The following ENOX2 variants were observed in gnomAD, a reference collection of about 807,000 sequenced individuals.
ENOX2 encodes ecto-NOX disulfide-thiol exchanger 2.
A neutral mutation model predicts 45.0 loss-of-function variants in ENOX2; 36 were observed. That is an observed-to-expected ratio of 0.80 (90% confidence interval 0.61 to 1.06). ENOX2 has a LOEUF of 1.06. Ranked by LOEUF, ENOX2 falls within the 50% of genes least tolerant of loss-of-function variation. The pLI, the probability that ENOX2 is intolerant of heterozygous loss-of-function variation, is 0.00. For missense variants in ENOX2, 423 were observed against 462.5 expected, an observed-to-expected ratio of 0.91 and a Z score of 0.78; for synonymous variants, 174 against 152.3, an observed-to-expected ratio of 1.14 and a Z score of -1.05.
At chrX:130,886,208 A>G (rs1181897310) in intron 2 of ENOX2, among the ~76,000 whole-genome samples, 1 of 112,733 alleles carries the variant, frequency 8.9e-6, no homozygotes, top group Non-Finnish European at 1.9e-5. Context: ...CATCATCTGC[A>G]TGCTGTCCAA....
At chrX:130,898,277 G>A (rs916710581) in intron 2 of ENOX2, among the ~76,000 whole-genome samples, 3 of 111,846 alleles carry the variant, frequency 2.7e-5, no homozygotes, top group Non-Finnish European at 5.6e-5. Context: ...CAAAGTGCTG[G>A]GATTACAGGT....
chrX:130,638,431 AAC>A (rs34648095), intron 10 of ENOX2, among the ~76,000 whole-genome samples: 3,616 of 92,356 alleles, frequency 0.039, 80 homozygotes, highest in African/African-American at 0.069. Flanking sequence ...AACAATTTGA[AAC>A]ACACACACAC....
At chrX:130,714,999 T>C (rs1157293811) in intron 3 of ENOX2, among the ~76,000 whole-genome samples, 1 of 112,269 alleles carries the variant, frequency 8.9e-6, no homozygotes, top group Non-Finnish European at 1.9e-5. Flanking sequence ...GTATTTGTAC[T>C]AAGTCTAAAA....
rs73229077 is a variant in ENOX2 at position 130,888,677 on chromosome X, G to A, written c.-183+13007C>T. Reference sequence around the variant, plus strand: ...GAAGTGAGGCACCTCTATCACATAAGGCAAATAAAAAGAAAGAACTAATAT... The same window carrying A: ...GAAGTGAGGCACCTCTATCACATAAAGCAAATAAAAAGAAAGAACTAATAT... On this transcript the variant is annotated intron_variant, in intron 2 of 14. Coordinates refer to ENST00000394363, the MANE Select transcript of ENOX2 (RefSeq NM_006375.4). Among the ~76,000 whole-genome samples the A allele has an allele frequency of 7.2e-3, 812 of 112,115 alleles. 1 individual carries two copies. Among genetic ancestry groups the A allele is most frequent in the Non-Finnish European group, 0.013 (703 of 53,200 alleles).
At chrX:130,652,492 C>T (rs755192666) in intron 10 of ENOX2, among the ~76,000 whole-genome samples, 15 of 112,045 alleles carry the variant, frequency 1.3e-4, no homozygotes, top group South Asian at 3.7e-4. Flanking sequence ...GAATACAAAC[C>T]CCTTCTGCCC....
intron 3 of ENOX2, among the ~76,000 whole-genome samples, chrX:130,771,125 G>A (rs2039731804): frequency 8.9e-6 from 1 of 112,136 alleles, no homozygotes; most frequent in South Asian, 3.8e-4. Context: ...GAAGTGACTG[G>A]AAAAGGGCAC....
At chrX:130,808,025 A>T (rs1424057083) in intron 2 of ENOX2, among the ~76,000 whole-genome samples, 1 of 112,464 alleles carries the variant, frequency 8.9e-6, no homozygotes, top group Non-Finnish European at 1.9e-5. Flanking sequence ...ACTTTTACTC[A>T]TTCTTCCTTA....
At chrX:130,740,473 A>G (rs2038957968) in intron 3 of ENOX2, among the ~76,000 whole-genome samples, 1 of 111,840 alleles carries the variant, frequency 8.9e-6, no homozygotes, top group Admixed American at 9.5e-5. Context: ...TCACAACAAT[A>G]AGTGCTATGG....
At chrX:130,805,003 T>C (rs2077278476) in intron 2 of ENOX2, among the ~76,000 whole-genome samples, 1 of 111,350 alleles carries the variant, frequency 9.0e-6, no homozygotes, top group Non-Finnish European at 1.9e-5. Context: ...AGTGTCCTTA[T>C]GAAAGGGGCC....
intron 2 of ENOX2, among the ~76,000 whole-genome samples, chrX:130,838,351 C>A (rs779636237): frequency 2.7e-5 from 3 of 111,652 alleles, no homozygotes; most frequent in Non-Finnish European, 5.7e-5. Context: ...CACTGCATTC[C>A]GGCCTGGGGG....
At chrX:130,786,155 G>A (rs995013619) in intron 2 of ENOX2, among the ~76,000 whole-genome samples, 1 of 112,549 alleles carries the variant, frequency 8.9e-6, no homozygotes, top group Non-Finnish European at 1.9e-5. Flanking sequence ...TTGGATGGGG[G>A]TAGATGACTC....
At chrX:130,761,017 C>T (rs1234213708) in intron 3 of ENOX2, among the ~76,000 whole-genome samples, 1 of 109,810 alleles carries the variant, frequency 9.1e-6, no homozygotes, top group Non-Finnish European at 1.9e-5. Flanking sequence ...CTGGAATAAA[C>T]CCTACTTTGC....
intron 2 of ENOX2, among the ~76,000 whole-genome samples, chrX:130,879,886 C>A (rs1238186581): frequency 9.0e-6 from 1 of 111,523 alleles, no homozygotes; most frequent in Admixed American, 9.5e-5. Context: ...AAGGGAGAGG[C>A]AAGAAGTTAA....
chrX:130,678,681 T>C (rs770981293), intron 6 of ENOX2, among the ~76,000 whole-genome samples: 118 of 110,792 alleles, frequency 1.1e-3, no homozygotes, highest in African/African-American at 3.5e-3. Flanking sequence ...TTAACCTTTT[T>C]TATCTTCCTC....
chrX:130,751,958 A>C lies in ENOX2; in HGVS notation c.-39+31589T>G, dbSNP rs903072777. 8.1e-5 allele frequency among the ~76,000 whole-genome samples: 9 copies of C among 111,386 alleles called. No individual in the cohort carries two copies. In the East Asian group the frequency reaches 2.5e-3, roughly 31 times the overall value. On this transcript the variant is annotated intron_variant, in intron 3 of 14. Coordinates refer to ENST00000394363, the MANE Select transcript of ENOX2 (RefSeq NM_006375.4). Reference sequence around the variant, plus strand: ...TGTAAGAGTCCTTTATATGTCCTGGATACTATACCCTTACCAGATATATGG... The same window carrying C: ...TGTAAGAGTCCTTTATATGTCCTGGCTACTATACCCTTACCAGATATATGG...
intron 5 of ENOX2, among the ~76,000 whole-genome samples, chrX:130,680,981 C>G (rs1385180837): frequency 8.9e-6 from 1 of 111,921 alleles, no homozygotes; most frequent in Non-Finnish European, 1.9e-5. Flanking sequence ...ACTCTCTTTC[C>G]CTGTATTTGG....
At chrX:130,761,459 T>C (rs2039488223) in intron 3 of ENOX2, among the ~76,000 whole-genome samples, 1 of 112,138 alleles carries the variant, frequency 8.9e-6, no homozygotes, top group African/African-American at 3.2e-5. Context: ...GTAGGTAGAA[T>C]TGTTCATAGT....
intron 5 of ENOX2, among the ~76,000 whole-genome samples, chrX:130,686,946 G>A (rs749601356): frequency 8.9e-6 from 1 of 111,919 alleles, no homozygotes; most frequent in Non-Finnish European, 1.9e-5. Context: ...ATACAAGGAT[G>A]AAGAACTAAA....
intron 2 of ENOX2, among the ~76,000 whole-genome samples, chrX:130,789,896 A>G (rs893867777): frequency 1.8e-5 from 2 of 112,205 alleles, no homozygotes; most frequent in African/African-American, 6.5e-5. Context: ...TCTAGGCCTC[A>G]AAACCATATT....
Sources: gnomAD v4.1 joint callset for allele counts (sites outside exome capture counted in the v4.1 genomes callset) on GRCh38, gnomAD v4.1.1 for gene constraint, MANE v1.5 for transcripts, NCBI Gene and HGNC (gene_info 2026-07-23, HGNC 2026-07-21) for gene names.